The following CERS2 variants were observed in gnomAD, a reference collection of about 807,000 sequenced individuals.
CERS2 encodes the protein LAG1 homolog, ceramide synthase 2.
Under a neutral mutation model 56.6 loss-of-function variants are expected in CERS2, and 20 were observed. That is an observed-to-expected ratio of 0.35 (90% confidence interval 0.25 to 0.51). The LOEUF (loss-of-function observed/expected upper bound fraction) is 0.51. Among genes scored for constraint, CERS2 ranks in the 20% least tolerant of loss-of-function variants. The pLI, the probability that CERS2 is intolerant of heterozygous loss-of-function variation, is 0.96. For missense variants in CERS2, 361 were observed against 488.6 expected, an observed-to-expected ratio of 0.74 and a Z score of 2.46; for synonymous variants, 187 against 175.4, an observed-to-expected ratio of 1.07 and a Z score of -0.52.
At position 150,966,373 on chromosome 1, in the gene CERS2, T is replaced by C. The variant is rs587736236; in HGVS notation, c.1003-85A>G. 3.1e-6 allele frequency: 5 copies of C among 1,595,966 alleles called. No homozygotes were observed. In the East Asian group the frequency reaches 6.7e-5, roughly 21 times the overall value. On this transcript the variant is annotated intron_variant, in intron 10 of 10. Transcript: ENST00000368954. ...TCTCTCTGAGGGCTTGTTCCTGTTA[T>C]ACCCAGGGCTCCACACTAGTTTTTT... is the stretch of plus-strand genomic sequence containing the variant.
chr1:150,966,350 T>C, intron 10 of CERS2, 62 bp from the exon 11 acceptor site: 1 of 1,597,970 alleles, frequency 6.3e-7, no homozygotes, highest in South Asian at 1.1e-5. Context: ...GTACTGCTTC[T>C]CTCTGAGGGC....
In CERS2 at chr1:150,968,772, C is replaced by T. The variant is rs1391207779; in HGVS notation, c.173+146G>A. 4 of 794,654 alleles carry T rather than the reference C, an allele frequency of 5.0e-6. No homozygotes were observed. The African/African-American group carries it at 6.9e-5, about 14-fold the overall frequency. 49.2% of individuals were successfully genotyped at this position (794,654 alleles called of 1,614,324 possible). A position where few individuals can be genotyped will look rare whatever the true frequency, so the allele number is the denominator to read the frequency against. On this transcript the variant is annotated intron_variant, in intron 2 of 10. Coordinates refer to ENST00000368954, the MANE Select transcript of CERS2 (RefSeq NM_022075.5). ...GCCTTCAGGAAGACAATGGTGCCTT[C>T]AGGGGAGGGGGTGCACAGTGGGCAG...
chr1:150,965,962 A>G lies in CERS2; in HGVS notation c.*186T>C, dbSNP rs1670998280. 1.7e-6 allele frequency: 1 copy of G among 589,816 alleles called. No individual in the cohort carries two copies. The highest frequency in any genetic ancestry group is 1.9e-5 in the African/African-American group (1 of 51,478). The allele number at this position is 589,816 out of a possible 1,614,324, so 36.5% of individuals were successfully genotyped here. A position where few individuals can be genotyped will look rare whatever the true frequency, so the allele number is the denominator to read the frequency against. ...AACAGAATATAACCAACGTCCCCCT[A>G]CCTGGGGATAGGCTGGTTAGAATTT... On this transcript the variant is annotated 3_prime_UTR_variant, in exon 11 of 11. Transcript: ENST00000368954.
In CERS2 at chr1:150,966,419, G is replaced by A. The variant is rs181377166; in HGVS notation, c.1002+57C>T. 1.9e-6 allele frequency: 3 copies of A among 1,603,606 alleles called. No homozygotes were observed. The Admixed American group carries it at 5.1e-5, about 27-fold the overall frequency. ...TTTTTAGAGAGTTACTGGCAAGATGGGAGTTCAGGAAGTTGTAGAGAGTAG... is the reference window on the plus strand; with the variant it reads ...TTTTTAGAGAGTTACTGGCAAGATGAGAGTTCAGGAAGTTGTAGAGAGTAG... On this transcript the variant is annotated intron_variant, in intron 10 of 10. Transcript: ENST00000368954.
intron 4 of CERS2, 72 bp downstream of exon 4, chr1:150,968,011 A>G (rs1571673481): frequency 1.4e-6 from 2 of 1,464,446 alleles, no homozygotes; most frequent in Middle Eastern, 2.0e-4. Context: ...GCGTATAGCC[A>G]CCGCCTATCC....
rs758661949 is a variant in CERS2 at position 150,967,382 on chromosome 1, C to T, written c.612+10G>A. Reference sequence around the variant, plus strand: ...GCTCTGAGGCTTAATTGCACAACCCCTTCACCCACCTTTCGCTTGACATCA... The same window carrying T: ...GCTCTGAGGCTTAATTGCACAACCCTTTCACCCACCTTTCGCTTGACATCA... On this transcript the variant is annotated intron_variant, in intron 7 of 10. Coordinates refer to ENST00000368954, the MANE Select transcript of CERS2 (RefSeq NM_022075.5). 2 of 1,572,930 alleles carry T rather than the reference C, an allele frequency of 1.3e-6. No individual in the cohort carries two copies.
intron 10 of CERS2, 75 bp downstream of exon 10, chr1:150,966,401 A>G (rs41308401): frequency 0.036 from 57,457 of 1,599,466 alleles, 1,239 homozygotes; most frequent in Non-Finnish European, 0.043. Context: ...AGTTTTTTAG[A>G]GAGTTACTGG....
chr1:150,971,724 G>C (rs587690192), intron 1 of CERS2: 1 of 353,416 alleles, frequency 2.8e-6, no homozygotes, highest in South Asian at 2.2e-5. Context: ...AATAAAGAAG[G>C]GACAAGGGTA....
intron 8 of CERS2, 74 bp downstream of exon 8, chr1:150,967,000 G>C (rs1476149558): frequency 6.5e-7 from 1 of 1,542,664 alleles, no homozygotes; most frequent in Non-Finnish European, 8.9e-7. Context: ...TTCCCACCCC[G>C]CACCTCCCTC....
chr1:150,966,240 C>T lies in CERS2; in HGVS notation c.1051G>A (p.Gly351Arg), dbSNP rs376324977. 5.6e-6 allele frequency: 9 copies of T among 1,610,350 alleles called. No individual in the cohort carries two copies. Among genetic ancestry groups the T allele is most frequent in the African/African-American group, 5.4e-5 (4 of 74,566 alleles). The change falls in exon 11 of 11, where the codon GGG (glycine) becomes AGG (arginine). Residue 351 changes from glycine (G) to arginine (R), a missense_variant. Gly to Arg is a moderately radical substitution (Grantham distance 125, BLOSUM62 -2). Around this residue, in one of 3 missense-constraint regions of CERS2, gnomAD observed 122 missense variants for 151.9 expected, o/e 0.80. Transcript: ENST00000368954. ...SDREETESSEGEEAAAGGGAK... is the reference protein window; with the variant it reads ...SDREETESSEREEAAAGGGAK... ...CCTCCCCCAGCTGCAGCCTCCTCCC[C>T]CTCTGAGCTCTCTGTTTCTTCCCGG... is the stretch of plus-strand genomic sequence containing the variant.
chr1:150,965,346 AAATGCTAGGTGCTAG>A lies in CERS2; in HGVS notation c.*787_*801del, dbSNP rs1670972621. On this transcript the variant is annotated 3_prime_UTR_variant, in exon 11 of 11. Transcript: ENST00000368954. ...TTGGTCTAAAATGGTCCCTCTGCTG[AAATGCTAGGTGCTAG>A]CCGTAATTCTGGCTTTAAAACCAAA... The A allele has an allele frequency of 6.6e-6, 1 of 152,602 alleles. No individual in the cohort carries two copies. Among genetic ancestry groups the A allele is most frequent in the Non-Finnish European group, 1.5e-5 (1 of 68,044 alleles). The allele number at this position is 152,602 out of a possible 1,614,324, so 9.5% of individuals were successfully genotyped here.
At chr1:150,971,446 A>C (rs1671178087) in intron 1 of CERS2, among the ~76,000 whole-genome samples, 3 of 142,398 alleles carry the variant, frequency 2.1e-5, no homozygotes, top group Admixed American at 7.1e-5. Flanking sequence ...CCTTGTCCCC[A>C]CTCCTGGTCA....
Position 150,967,092 on chromosome 1 carries a change from A to G in CERS2, c.723T>C (p.Ser241=). Residue 241 remains serine, a synonymous_variant, in exon 8 of 11, where the codon TCT becomes TCC. Transcript: ENST00000368954. ...GCCTGACCTCCAGCAGGTAATCGGA[A>G]GAGTCATGCAGAGCCATGATTAGAG... The part of the protein sequence containing the change: ...AGTLIMALHD[S]SDYLLESAKM... The G allele has an allele frequency of 6.2e-7, 1 of 1,614,122 alleles. No homozygotes were observed. The highest frequency in any genetic ancestry group is 2.2e-5 in the East Asian group (1 of 44,892).
intron 1 of CERS2, among the ~76,000 whole-genome samples, chr1:150,970,227 CAAAAAAAAAAAAA>C (rs35333038): frequency 0.025 from 1,264 of 51,256 alleles, 21 homozygotes; most frequent in Admixed American, 0.038. Context: ...GACTCTGTCT[CAAAAAAAAAAAAA>C]AAAAAAAAAA....
intron 3 of CERS2, 55 bp from the exon 4 acceptor site, chr1:150,968,256 C>A (rs1474260460): frequency 2.6e-6 from 4 of 1,555,500 alleles, no homozygotes; most frequent in African/African-American, 2.7e-5. Flanking sequence ...TCAGCAGCAT[C>A]CCCAGCCTCT....
In CERS2 at chr1:150,965,953, C is replaced by T. The variant is rs984993469; in HGVS notation, c.*195G>A. 6 of 559,716 alleles carry T rather than the reference C, an allele frequency of 1.1e-5. No individual in the cohort carries two copies. The highest frequency in any genetic ancestry group is 3.3e-5 in the East Asian group (1 of 30,768). 34.7% of individuals were successfully genotyped at this position (559,716 alleles called of 1,614,324 possible). On this transcript the variant is annotated 3_prime_UTR_variant, in exon 11 of 11. Transcript: ENST00000368954. ...TCCCCCTCTAACAGAATATAACCAA[C>T]GTCCCCCTACCTGGGGATAGGCTGG...
chr1:150,968,226 G>C (rs1427504274), intron 3 of CERS2, 25 bp from the exon 4 acceptor site: 1 of 1,602,384 alleles, frequency 6.2e-7, no homozygotes, highest in South Asian at 1.1e-5. Context: ...GAAGCCCATT[G>C]TTATGTTTAC....
At chr1:150,971,760 C>T (rs1357871121) in intron 1 of CERS2, 52 of 432,782 alleles carry the variant, frequency 1.2e-4, no homozygotes, top group South Asian at 7.9e-4. Flanking sequence ...AGGGACAATG[C>T]GGAACACTTT....
At position 150,968,117 on chromosome 1, in the gene CERS2, G is replaced by A; in HGVS notation, c.376C>T (p.Arg126Trp). The A allele has an allele frequency of 6.2e-7, 1 of 1,610,000 alleles. No homozygotes were observed. ...RWFRRRRNQD[R>W]PSLLKKFREA... Reference sequence around the variant, plus strand: ...CGGAACTTCTTGAGGAGACTGGGCCGGTCCTGGTTGCGGCGGCGACGGAAC... The same window carrying A: ...CGGAACTTCTTGAGGAGACTGGGCCAGTCCTGGTTGCGGCGGCGACGGAAC... The change falls in exon 4 of 11, where the codon CGG becomes TGG. Residue 126 changes from arginine (R) to tryptophan (W), a missense_variant. Physicochemically the swap from Arg to Trp is moderately radical, Grantham distance 101 (BLOSUM62 -3). This residue lies in a region of CERS2 where 236 missense variants were observed against 309.2 expected (regional missense o/e 0.76). Coordinates refer to ENST00000368954, the MANE Select transcript of CERS2 (RefSeq NM_022075.5).
Sources: gnomAD v4.1 joint callset for allele counts (sites outside exome capture counted in the v4.1 genomes callset) on GRCh38, gnomAD v4.1.1 for gene constraint, gnomAD v4.1.1 regional missense constraint, MANE v1.5 for transcripts, NCBI Gene and HGNC (gene_info 2026-07-23, HGNC 2026-07-21) for gene names.